ADCYAP1R1: variants seen among roughly 807,000 people sequenced by gnomAD.
ADCYAP1R1 encodes the protein pituitary adenylate cyclase-activating polypeptide type I receptor.
A neutral mutation model predicts 67.6 loss-of-function variants in ADCYAP1R1; 44 were observed. That is an observed-to-expected ratio of 0.65 (90% CI 0.51 to 0.84). ADCYAP1R1 has a LOEUF of 0.84. ADCYAP1R1 is among the 40% of genes least tolerant of loss of function. ADCYAP1R1 has a pLI of 0.00. For synonymous variants in ADCYAP1R1, 222 were observed against 219.6 expected (o/e 1.01, Z -0.10); for missense variants, 477 against 587.9 (o/e 0.81, Z 1.95).
At chr7:31,101,888 C>A (rs1022920618) in intron 13 of ADCYAP1R1, among the ~76,000 whole-genome samples, 43 of 152,186 alleles carry the variant, frequency 2.8e-4, no homozygotes, top group Admixed American at 1.3e-4. Context: ...TCCTGGTGGC[C>A]CTTGTCTGTG....
chr7:31,086,342 C>T lies in ADCYAP1R1; in HGVS notation c.670-42C>T, dbSNP rs1177211591. The T allele has an allele frequency of 6.2e-7, 1 of 1,604,218 alleles. No homozygotes were observed. The highest frequency in any genetic ancestry group is 8.5e-7 in the Non-Finnish European group (1 of 1,175,950). On this transcript the variant is annotated intron_variant, in intron 9 of 15. Coordinates refer to ENST00000304166, the MANE Select transcript of ADCYAP1R1 (RefSeq NM_001118.5). This position sits in a 1 kb window ranked among gnomAD's most constrained non-coding sequence, Gnocchi z 5.0. The stretch of plus-strand genomic sequence containing the variant: ...CTAGGATTCTCCCTTGCTCCTGTTC[C>T]TGTTGGGCTCACGCCCCTCACCCTG...
chr7:31,069,388 G>A (rs1375706096), intron 3 of ADCYAP1R1, among the ~76,000 whole-genome samples: 2 of 152,204 alleles, frequency 1.3e-5, no homozygotes, highest in African/African-American at 4.8e-5. Context: ...CTGGCCAAAG[G>A]TCAGCTGATG....
At chr7:31,076,794 T>A (rs1179506578) in intron 3 of ADCYAP1R1, among the ~76,000 whole-genome samples, 1 of 152,038 alleles carries the variant, frequency 6.6e-6, no homozygotes, top group Non-Finnish European at 1.5e-5. Context: ...TTCCTGCCCC[T>A]CCCCTTAGGG....
At chr7:31,076,633 G>C (rs1192871176) in intron 3 of ADCYAP1R1, among the ~76,000 whole-genome samples, 1 of 152,176 alleles carries the variant, frequency 6.6e-6, no homozygotes, top group Non-Finnish European at 1.5e-5. Flanking sequence ...ACCTCTTCTG[G>C]TTCCGGGTCC....
At chr7:31,098,187 C>T (rs576081658) in intron 13 of ADCYAP1R1, among the ~76,000 whole-genome samples, 20 of 152,290 alleles carry the variant, frequency 1.3e-4, no homozygotes, top group South Asian at 4.2e-4. Context: ...CAGGCCACTG[C>T]GCCCAGCCTG....
intron 12 of ADCYAP1R1, among the ~76,000 whole-genome samples, chr7:31,088,975 C>T (rs1274353802): frequency 6.6e-6 from 1 of 152,130 alleles, no homozygotes; most frequent in African/African-American, 2.4e-5. Context: ...ATTGAGTCAT[C>T]CTCTCCAAGA....
chr7:31,097,164 C>T lies in ADCYAP1R1; in HGVS notation c.1046+4429C>T, dbSNP rs532912609. Among the ~76,000 whole-genome samples, 4 of 152,360 alleles carry T rather than the reference C, an allele frequency of 2.6e-5. No homozygotes were observed. In the South Asian group the frequency reaches 6.2e-4, roughly 24 times the overall value. ...AGGCCAAGGCTCTCTGAAAGGCAGA[C>T]GTGGGGGTGAGCCCTGCACCTGTGA... On this transcript the variant is annotated intron_variant, in intron 13 of 15. Transcript: ENST00000304166.
At chr7:31,055,453 A>G (rs575761481) in intron 1 of ADCYAP1R1, among the ~76,000 whole-genome samples, 3 of 152,264 alleles carry the variant, frequency 2.0e-5, no homozygotes, top group Admixed American at 6.5e-5. Context: ...TCCATATACA[A>G]CTACTTAATT....
At chr7:31,080,030 G>C (rs534843519) in intron 4 of ADCYAP1R1, among the ~76,000 whole-genome samples, 1 of 152,156 alleles carries the variant, frequency 6.6e-6, no homozygotes, top group Non-Finnish European at 1.5e-5. Flanking sequence ...TTTAAAGTTT[G>C]TTTATTGAAC....
At position 31,078,072 on chromosome 7, in the gene ADCYAP1R1, T is replaced by C. The variant is rs769047161; in HGVS notation, c.239T>C (p.Leu80Pro). Residue 80 changes from leucine (L) to proline (P), a missense_variant, in exon 4 of 16, where the codon CTC (leucine) becomes CCC (proline). Leu to Pro is a moderately conservative substitution (Grantham distance 98). Coordinates refer to ENST00000304166, the MANE Select transcript of ADCYAP1R1 (RefSeq NM_001118.5). ...GEMVLVSCPE[L>P]FRIFNPDQVW... ...ATGGTCCTGGTCAGCTGCCCTGAGC[T>C]CTTCCGAATCTTCAACCCAGACCAA... 6.2e-7 allele frequency: 1 copy of C among 1,612,542 alleles called. No homozygotes were observed. Among genetic ancestry groups the C allele is most frequent in the South Asian group, 1.1e-5 (1 of 90,884 alleles).
intron 3 of ADCYAP1R1, among the ~76,000 whole-genome samples, chr7:31,065,395 T>A (rs1293626284): frequency 2.0e-5 from 3 of 152,096 alleles, no homozygotes; most frequent in African/African-American, 7.2e-5. Context: ...CAGCAGGAAC[T>A]TCAGTCTTGA....
intron 1 of ADCYAP1R1, among the ~76,000 whole-genome samples, chr7:31,057,523 G>A (rs534727190): frequency 1.5e-4 from 23 of 152,334 alleles, no homozygotes; most frequent in African/African-American, 3.4e-4. Context: ...TGCAGGGCAT[G>A]AGTGGGATCA....
rs111729951 is a variant in ADCYAP1R1, at chr7:31,063,135, G to A, written c.-71-59G>A. ...GCTGGGGGAATAAGGAAGGGAGGTG[G>A]TCTTGCCCCCGGCCACTGCACTGGG... On this transcript the variant is annotated intron_variant, in intron 1 of 15. Coordinates refer to ENST00000304166, the MANE Select transcript of ADCYAP1R1 (RefSeq NM_001118.5). 275 of 1,051,276 alleles carry A rather than the reference G, an allele frequency of 2.6e-4. No homozygotes were observed. The African/African-American group carries it at 3.6e-3, about 14-fold the overall frequency. The allele number at this position is 1,051,276 out of a possible 1,614,324, so 65.1% of individuals were successfully genotyped here.
At chr7:31,098,982 C>CA (rs920400666) in intron 13 of ADCYAP1R1, among the ~76,000 whole-genome samples, 1 of 152,150 alleles carries the variant, frequency 6.6e-6, no homozygotes, top group African/African-American at 2.4e-5. Flanking sequence ...AAGTCTTTTG[C>CA]AATCTGAGAA....
In ADCYAP1R1 at chr7:31,095,067, G is replaced by A. The variant is rs191312927; in HGVS notation, c.1046+2332G>A. Among the ~76,000 whole-genome samples, 179 of 152,172 alleles carry A rather than the reference G, an allele frequency of 1.2e-3. 3 individuals are homozygous for A. In the East Asian group the frequency reaches 0.017, roughly 14 times the overall value. Reference sequence around the variant, plus strand: ...GTGACAGGGTCAAGGAGACCCTGTCGGCCAAAGTGAGTAGTAATCCAATTG... The same window carrying A: ...GTGACAGGGTCAAGGAGACCCTGTCAGCCAAAGTGAGTAGTAATCCAATTG... On this transcript the variant is annotated intron_variant, in intron 13 of 15. Transcript: ENST00000304166.
intron 14 of ADCYAP1R1, 85 bp downstream of exon 14, chr7:31,103,451 A>T (rs2128641112): frequency 6.3e-7 from 1 of 1,581,926 alleles, no homozygotes; most frequent in East Asian, 2.2e-5. Flanking sequence ...AGCCTCTTTA[A>T]TCTTGACTGT....
At chr7:31,082,549 A>G (rs905552670) in intron 6 of ADCYAP1R1, among the ~76,000 whole-genome samples, 1 of 152,216 alleles carries the variant, frequency 6.6e-6, no homozygotes, top group Non-Finnish European at 1.5e-5. Flanking sequence ...CACCATCCTG[A>G]TGTGAGCAAA....
rs190199914 is a variant in ADCYAP1R1, at chr7:31,077,059, C to G, written c.158-932C>G. Among the ~76,000 whole-genome samples, 10 of 152,286 alleles carry G rather than the reference C, an allele frequency of 6.6e-5. 1 individual carries two copies. The East Asian group carries it at 1.9e-3, about 29-fold the overall frequency. On this transcript the variant is annotated intron_variant, in intron 3 of 15. Transcript: ENST00000304166. ...AGGTGAGGGCTCCCTCCTTCCCGACCCAGGAGCTCCTGAAGTGCCTTGCGT... is the reference window on the plus strand; with the variant it reads ...AGGTGAGGGCTCCCTCCTTCCCGACGCAGGAGCTCCTGAAGTGCCTTGCGT...
At position 31,084,175 on chromosome 7, in the gene ADCYAP1R1, T is replaced by G; in HGVS notation, c.363T>G (p.Asp121Glu). 6.2e-7 allele frequency: 1 copy of G among 1,614,164 alleles called. No individual in the cohort carries two copies. The highest frequency in any genetic ancestry group is 8.5e-7 in the Non-Finnish European group (1 of 1,180,024). Residue 121 changes from aspartate to glutamate, a missense_variant, in exon 7 of 16, where the codon GAT (aspartate) becomes GAG (glutamate). Coordinates refer to ENST00000304166, the MANE Select transcript of ADCYAP1R1 (RefSeq NM_001118.5). ...MGVVSRNCTE[D>E]GWSEPFPHYF... ...TGGTGAGCCGGAACTGCACGGAGGA[T>G]GGCTGGTCGGAACCCTTCCCTCATT... is the stretch of plus-strand genomic sequence containing the variant.
Sources: gnomAD v4.1 joint callset for allele counts (sites outside exome capture counted in the v4.1 genomes callset) on GRCh38, gnomAD v4.1.1 for gene constraint, Gnocchi (gnomAD v3.1) non-coding constraint, MANE v1.5 for transcripts, NCBI Gene and HGNC (gene_info 2026-07-23, HGNC 2026-07-21) for gene names.